Variants in ST6GALNAC3 observed in about 807,000 individuals in gnomAD.
ST6GALNAC3 encodes the protein ST6 N-acetylgalactosaminide alpha-2,6-sialyltransferase 3.
ST6GALNAC3 carries 25 observed loss-of-function variants against 32.7 expected under a neutral mutation model. The ratio of observed to expected loss-of-function variants is 0.76; its 90% CI spans 0.56 to 1.07. The LOEUF (loss-of-function observed/expected upper bound fraction) is 1.07. Ranked by LOEUF, ST6GALNAC3 falls within the 50% of genes least tolerant of loss-of-function variation. The pLI is 0.00. For synonymous variants in ST6GALNAC3, 129 were observed against 133.1 expected (o/e 0.97, Z 0.21); for missense variants, 355 against 382.4 (o/e 0.93, Z 0.60).
rs1230195124 is a variant in ST6GALNAC3 at position 76,364,718 on chromosome 1, A to T, written c.214-47290A>T. Reference sequence around the variant, plus strand: ...AAGAAGACATACAAGTGGCCAAGAAACATATGAAAAAATGCTCAATATCAC... The same window carrying T: ...AAGAAGACATACAAGTGGCCAAGAATCATATGAAAAAATGCTCAATATCAC... On this transcript the variant is annotated intron_variant, in intron 2 of 4. Coordinates refer to ENST00000328299, the MANE Select transcript of ST6GALNAC3 (RefSeq NM_152996.4). 2.0e-5 allele frequency among the ~76,000 whole-genome samples: 3 copies of T among 152,160 alleles called. No individual in the cohort carries two copies. In the East Asian group the frequency reaches 5.8e-4, roughly 29 times the overall value.
At chr1:76,143,392 CGT>C (rs4034974) in intron 1 of ST6GALNAC3, among the ~76,000 whole-genome samples, 236 of 142,426 alleles carry the variant, frequency 1.7e-3, no homozygotes, top group African/African-American at 2.8e-3. Flanking sequence ...CTTACCAAGT[CGT>C]GTGTGTGTGT....
At chr1:76,306,686 CG>C (rs1326173362) in intron 1 of ST6GALNAC3, among the ~76,000 whole-genome samples, 4 of 13,828 alleles carry the variant, frequency 2.9e-4, no homozygotes, top group South Asian at 4.8e-3. Flanking sequence ...TTTTGGGGGG[CG>C]GGGGGTGCAG....
At chr1:76,290,932 G>A (rs1217029056) in intron 1 of ST6GALNAC3, among the ~76,000 whole-genome samples, 1 of 152,172 alleles carries the variant, frequency 6.6e-6, no homozygotes, top group Admixed American at 6.5e-5. Flanking sequence ...TACCGAGCGA[G>A]CTGTTGAGCC....
chr1:76,309,750 A>G (rs188304699), intron 1 of ST6GALNAC3, among the ~76,000 whole-genome samples: 112 of 152,214 alleles, frequency 7.4e-4, no homozygotes, highest in African/African-American at 2.7e-3. Flanking sequence ...CTGCAGAAGG[A>G]ACCTCTGTCC....
chr1:76,385,124 T>A (rs1651994010), intron 2 of ST6GALNAC3, among the ~76,000 whole-genome samples: 1 of 151,866 alleles, frequency 6.6e-6, no homozygotes, highest in Non-Finnish European at 1.5e-5. Flanking sequence ...AACACATGTT[T>A]AAAAAAAACC....
At chr1:76,495,296 C>T (rs1660784894) in intron 3 of ST6GALNAC3, among the ~76,000 whole-genome samples, 1 of 152,016 alleles carries the variant, frequency 6.6e-6, no homozygotes. Flanking sequence ...ATAAATGTGG[C>T]TGAGAAAACA....
intron 2 of ST6GALNAC3, among the ~76,000 whole-genome samples, chr1:76,368,480 A>G (rs1650564312): frequency 1.3e-5 from 2 of 152,072 alleles, no homozygotes; most frequent in Non-Finnish European, 2.9e-5. Context: ...CCCAAATCTG[A>G]TGGTATGCCA....
At chr1:76,583,014 T>C (rs918034417) in intron 3 of ST6GALNAC3, among the ~76,000 whole-genome samples, 8 of 152,216 alleles carry the variant, frequency 5.3e-5, no homozygotes, top group African/African-American at 1.9e-4. Flanking sequence ...AAAAGAATTA[T>C]CTATAGAACA....
At chr1:76,293,382 A>C (rs1238467536) in intron 1 of ST6GALNAC3, among the ~76,000 whole-genome samples, 1 of 152,206 alleles carries the variant, frequency 6.6e-6, no homozygotes, top group African/African-American at 2.4e-5. Flanking sequence ...GCATTGATCT[A>C]TCACCTTATG....
intron 1 of ST6GALNAC3, among the ~76,000 whole-genome samples, chr1:76,215,677 A>G (rs888593002): frequency 1.3e-5 from 2 of 152,332 alleles, no homozygotes; most frequent in African/African-American, 4.8e-5. Flanking sequence ...GTGTGGGGAC[A>G]GTGAGTGGAT....
chr1:76,180,086 C>G (rs541154609), intron 1 of ST6GALNAC3, among the ~76,000 whole-genome samples: 1 of 152,216 alleles, frequency 6.6e-6, no homozygotes, highest in Admixed American at 6.5e-5. Flanking sequence ...TACTTTAATC[C>G]AAACTCTTTG....
At chr1:76,596,347 G>A (rs2100606909) in intron 3 of ST6GALNAC3, among the ~76,000 whole-genome samples, 1 of 152,240 alleles carries the variant, frequency 6.6e-6, no homozygotes, top group Admixed American at 6.5e-5. Context: ...CCGAGATCAT[G>A]TCTTGTTTAT....
chr1:76,288,362 T>A, intron 1 of ST6GALNAC3, among the ~76,000 whole-genome samples: 1 of 152,188 alleles, frequency 6.6e-6, no homozygotes, highest in East Asian at 1.9e-4. Flanking sequence ...GATATGGATG[T>A]TTTAACACTA....
intron 1 of ST6GALNAC3, among the ~76,000 whole-genome samples, chr1:76,219,955 G>A (rs1176150054): frequency 6.6e-6 from 1 of 152,112 alleles, no homozygotes; most frequent in Non-Finnish European, 1.5e-5. Context: ...GACTCGTGGT[G>A]GTTGTTATAG....
At chr1:76,366,271 CT>C (rs1263695167) in intron 2 of ST6GALNAC3, among the ~76,000 whole-genome samples, 1 of 152,116 alleles carries the variant, frequency 6.6e-6, no homozygotes, top group African/African-American at 2.4e-5. Flanking sequence ...CTATGATCTT[CT>C]TTTAGAAACC....
At chr1:76,176,319 A>G (rs1372086452) in intron 1 of ST6GALNAC3, among the ~76,000 whole-genome samples, 1 of 152,088 alleles carries the variant, frequency 6.6e-6, no homozygotes, top group African/African-American at 2.4e-5. Context: ...TTGCACAGAA[A>G]AGTCTTGGTT....
intron 1 of ST6GALNAC3, among the ~76,000 whole-genome samples, chr1:76,084,556 C>G (rs901028425): frequency 3.3e-5 from 5 of 152,148 alleles, no homozygotes. Flanking sequence ...TTTAAATGTC[C>G]AGAACAAACC....
chr1:76,573,310 G>C (rs1178078336), intron 3 of ST6GALNAC3, among the ~76,000 whole-genome samples: 1 of 152,106 alleles, frequency 6.6e-6, no homozygotes, highest in African/African-American at 2.4e-5. Flanking sequence ...CCTGCTGACA[G>C]GCCAGGATCA....
chr1:76,304,217 A>C (rs1660900064), intron 1 of ST6GALNAC3, among the ~76,000 whole-genome samples: 1 of 151,872 alleles, frequency 6.6e-6, no homozygotes, highest in African/African-American at 2.4e-5. Context: ...TTTTCTGTTA[A>C]AGACATTGTG....
Sources: gnomAD v4.1 joint callset for allele counts (sites outside exome capture counted in the v4.1 genomes callset) on GRCh38, gnomAD v4.1.1 for gene constraint, MANE v1.5 for transcripts, NCBI Gene and HGNC (gene_info 2026-07-23, HGNC 2026-07-21) for gene names.